ZNF599: variants seen among roughly 807,000 people sequenced by gnomAD.
ZNF599 encodes the protein zinc finger protein 599.
In ZNF599, 10 loss-of-function variants were observed where a neutral mutation model predicts 11.7. That is an observed-to-expected ratio of 0.86 (90% CI 0.53 to 1.45). The LOEUF is 1.45. Ranked by LOEUF, ZNF599 falls within the 40% of genes most tolerant of loss-of-function variation. ZNF599 has a pLI of 0.00. For synonymous variants in ZNF599, 232 were observed against 253.2 expected, an observed-to-expected ratio of 0.92 and a Z score of 0.79; for missense variants, 688 against 713.6, an observed-to-expected ratio of 0.96 and a Z score of 0.41.
At chr19:34,789,957 T>A in the ZNF599 span, among the ~76,000 whole-genome samples, 2 of 152,204 alleles carry the variant, frequency 1.3e-5, no homozygotes, top group Non-Finnish European at 2.9e-5. Flanking sequence ...TCCTCTACAT[T>A]TTCTTCTAGT....
At chr19:34,763,546 C>CA (rs1457575290) in intron 3 of ZNF599, 1 of 152,176 alleles carries the variant, frequency 6.6e-6, no homozygotes, top group African/African-American at 2.4e-5. Context: ...AGAAGGCGGC[C>CA]ATCTGCAAGC....
At chr19:34,796,842 G>A in the ZNF599 span, among the ~76,000 whole-genome samples, 1 of 152,144 alleles carries the variant, frequency 6.6e-6, no homozygotes, top group Non-Finnish European at 1.5e-5. Context: ...ATTCCCTTTG[G>A]AACTATCTTT....
the ZNF599 span, among the ~76,000 whole-genome samples, chr19:34,807,466 C>G: frequency 6.6e-6 from 1 of 152,242 alleles, no homozygotes; most frequent in Non-Finnish European, 1.5e-5. Flanking sequence ...GAGCCTCAGT[C>G]TTACCTCTGT....
the ZNF599 span, among the ~76,000 whole-genome samples, chr19:34,806,611 C>A: frequency 6.6e-6 from 1 of 150,654 alleles, no homozygotes; most frequent in Admixed American, 6.7e-5. Flanking sequence ...CTGCTTGGGA[C>A]CAATATGGCT....
At chr19:34,795,816 CTTTTCT>C in the ZNF599 span, among the ~76,000 whole-genome samples, 10 of 151,764 alleles carry the variant, frequency 6.6e-5, no homozygotes, top group African/African-American at 1.9e-4. Flanking sequence ...TGTGCATTTT[CTTTTCT>C]TTTTCTTTTT....
At chr19:34,785,099 C>T in the ZNF599 span, among the ~76,000 whole-genome samples, 5 of 149,980 alleles carry the variant, frequency 3.3e-5, no homozygotes, top group East Asian at 2.0e-4. Context: ...ACTTCTGATA[C>T]TGCCACTTAA....
the ZNF599 span, among the ~76,000 whole-genome samples, chr19:34,787,382 A>C: frequency 6.6e-6 from 1 of 152,250 alleles, no homozygotes; most frequent in Non-Finnish European, 1.5e-5. Flanking sequence ...AAGCAGCCTC[A>C]GAGTTAATCA....
At chr19:34,786,052 T>C in the ZNF599 span, among the ~76,000 whole-genome samples, 1 of 152,126 alleles carries the variant, frequency 6.6e-6, no homozygotes, top group Non-Finnish European at 1.5e-5. Flanking sequence ...TCATAGCTAA[T>C]GCAAAGGGGT....
the ZNF599 span, among the ~76,000 whole-genome samples, chr19:34,781,177 A>T: frequency 4.0e-5 from 6 of 151,896 alleles, no homozygotes; most frequent in Non-Finnish European, 7.4e-5. Flanking sequence ...AAAATAAAAA[A>T]AAGAAAAGGA....
At chr19:34,783,090 T>C in the ZNF599 span, among the ~76,000 whole-genome samples, 26 of 152,198 alleles carry the variant, frequency 1.7e-4, no homozygotes, top group Non-Finnish European at 2.5e-4. Context: ...AGACACCAAA[T>C]GTACTCTGGG....
chr19:34,797,864 T>G, the ZNF599 span, among the ~76,000 whole-genome samples: 1 of 152,168 alleles, frequency 6.6e-6, no homozygotes, highest in Admixed American at 6.5e-5. Context: ...AGGGAGTATG[T>G]CTTAACCCTA....
At chr19:34,805,060 C>T in the ZNF599 span, among the ~76,000 whole-genome samples, 1 of 152,232 alleles carries the variant, frequency 6.6e-6, no homozygotes, top group African/African-American at 2.4e-5. Context: ...TATCTTCCTA[C>T]TTTCTCTAAT....
At chr19:34,797,229 T>A in the ZNF599 span, among the ~76,000 whole-genome samples, 1 of 152,124 alleles carries the variant, frequency 6.6e-6, no homozygotes, top group Admixed American at 6.5e-5. Context: ...GACATTTGGG[T>A]TGGTTCCAAG....
upstream of ZNF599, among the ~76,000 whole-genome samples, chr19:34,777,985 A>G (rs2145474665): frequency 6.6e-6 from 1 of 152,028 alleles, no homozygotes; most frequent in Admixed American, 6.6e-5. Context: ...CTACAGTAAA[A>G]GGGGGGGAGG....
chr19:34,772,720 T>A, intron 1 of ZNF599, 104 bp downstream of exon 1: 2 of 1,525,470 alleles, frequency 1.3e-6, no homozygotes, highest in South Asian at 1.2e-5. Flanking sequence ...ACCTAGGGCA[T>A]CAAAAGGGAG....
At chr19:34,777,508 T>G (rs2069227007), upstream of ZNF599, among the ~76,000 whole-genome samples, 1 of 113,296 alleles carries the variant, frequency 8.8e-6, no homozygotes, top group South Asian at 2.3e-4. Flanking sequence ...TATTAATATA[T>G]TATATATTAA....
upstream of ZNF599, among the ~76,000 whole-genome samples, chr19:34,776,797 C>A (rs551121583): frequency 6.6e-6 from 1 of 152,198 alleles, no homozygotes; most frequent in Admixed American, 6.5e-5. Context: ...GCTACCCCAT[C>A]GGCAGAGAGT....
intron 1 of ZNF599, among the ~76,000 whole-genome samples, chr19:34,772,067 G>A (rs1366183421): frequency 6.6e-6 from 1 of 152,184 alleles, no homozygotes; most frequent in Non-Finnish European, 1.5e-5. Flanking sequence ...AGAGCTACGA[G>A]GAGTAAACAG....
At chr19:34,761,035 T>C (rs772599699) in intron 3 of ZNF599, among the ~76,000 whole-genome samples, 1 of 151,854 alleles carries the variant, frequency 6.6e-6, no homozygotes, top group Non-Finnish European at 1.5e-5. Flanking sequence ...GACAGAGGAA[T>C]TAGGAGGGAA....
Sources: gnomAD v4.1 joint callset for allele counts (sites outside exome capture counted in the v4.1 genomes callset) on GRCh38, gnomAD v4.1.1 for gene constraint, MANE v1.5 for transcripts, NCBI Gene and HGNC (gene_info 2026-07-23, HGNC 2026-07-21) for gene names.